Variants in NXN observed in about 807,000 individuals in gnomAD.
NXN encodes nucleoredoxin, also known as nucleoredoxin 1.
Under a neutral mutation model 48.6 loss-of-function variants are expected in NXN, and 16 were observed. The observed-to-expected ratio is 0.33, with a 90% CI of 0.22 to 0.50. The LOEUF is 0.50. Ranked by LOEUF, NXN falls within the 20% of genes least tolerant of loss-of-function variation. The pLI, the probability that NXN is intolerant of heterozygous loss-of-function variation, is 0.98. For missense variants in NXN, 492 were observed against 605.5 expected (o/e 0.81, Z 1.97); for synonymous variants, 281 against 269.6 (o/e 1.04, Z -0.41).
intron 1 of NXN, among the ~76,000 whole-genome samples, chr17:970,036 G>A (rs1406409767): frequency 6.6e-6 from 1 of 152,116 alleles, no homozygotes. Context: ...AGCTTACGTT[G>A]TTTTTTTAAA....
chr17:803,479 C>T (rs769383287), intron 7 of NXN, among the ~76,000 whole-genome samples: 5 of 152,182 alleles, frequency 3.3e-5, no homozygotes, highest in African/African-American at 7.2e-5. Flanking sequence ...CGAGCATGGA[C>T]GGGAAGAGGA....
Position 800,976 on chromosome 17 carries a change from T to G in NXN, c.1281A>C (p.Ala427=), listed in dbSNP as rs982692243. Residue 427 remains alanine, a synonymous_variant, in exon 8 of 8, where the codon GCA becomes GCC. Transcript: ENST00000336868. ...IVEAFVNDFL[A]EKLKPEPI ...AGATGGGCTCCGGTTTGAGCTTCTC[T>G]GCTAGGAAGTCATTCACAAAGGCCT... 1 of 1,522,524 alleles carries G rather than the reference T, an allele frequency of 6.6e-7. No individual in the cohort carries two copies. Among genetic ancestry groups the G allele is most frequent in the Non-Finnish European group, 8.8e-7 (1 of 1,130,950 alleles). The allele number at this position is 1,522,524 out of a possible 1,614,324, so 94.3% of individuals were successfully genotyped here.
intron 1 of NXN, among the ~76,000 whole-genome samples, chr17:916,742 C>G (rs768561223): frequency 1.3e-5 from 2 of 152,100 alleles, no homozygotes; most frequent in Non-Finnish European, 2.9e-5. Flanking sequence ...ACTAAAAATA[C>G]AAAAAACTAG....
intron 1 of NXN, among the ~76,000 whole-genome samples, chr17:930,813 C>T (rs148855321): frequency 0.02 from 2,953 of 151,386 alleles, 45 homozygotes; most frequent in Non-Finnish European, 0.03. Context: ...CTCTGGTTGC[C>T]CAGGCTGGAG....
chr17:859,606 C>G (rs546059055), intron 1 of NXN, among the ~76,000 whole-genome samples: 103 of 152,242 alleles, frequency 6.8e-4, no homozygotes, highest in Admixed American at 5.2e-3. Flanking sequence ...AACAGCTGCA[C>G]GGACGGGCCT....
intron 1 of NXN, among the ~76,000 whole-genome samples, chr17:826,362 A>G (rs1913102714): frequency 6.6e-6 from 1 of 152,076 alleles, no homozygotes; most frequent in South Asian, 2.1e-4. Flanking sequence ...GTGGAGGCTG[A>G]TGACCCCACT....
rs1913067507 is a variant in NXN at position 825,784 on chromosome 17, A to T, written c.478+177T>A. 3 of 579,904 alleles carry T rather than the reference A, an allele frequency of 5.2e-6. No individual in the cohort carries two copies. The East Asian group carries it at 8.9e-5, about 17-fold the overall frequency. The allele number at this position is 579,904 out of a possible 1,614,324, so 35.9% of individuals were successfully genotyped here. ...ACATTCTGATCCCTGTGAAAATCTT[A>T]AAACCATGTCCTAGGGAATACTATG... On this transcript the variant is annotated intron_variant, in intron 2 of 7. Transcript: ENST00000336868. The surrounding 1 kb of genome is among the most constrained non-coding windows in gnomAD (Gnocchi z 4.1).
chr17:839,938 C>T (rs1434537361), intron 1 of NXN, among the ~76,000 whole-genome samples: 1 of 151,292 alleles, frequency 6.6e-6, no homozygotes, highest in Non-Finnish European at 1.5e-5. Context: ...CTCTATTAAA[C>T]ATACAACAAT....
At chr17:890,637 G>A (rs960442353) in intron 1 of NXN, among the ~76,000 whole-genome samples, 3 of 151,956 alleles carry the variant, frequency 2.0e-5, no homozygotes, top group Admixed American at 6.6e-5. Context: ...CACCTCGGCC[G>A]CCCAAAGTGC....
intron 1 of NXN, among the ~76,000 whole-genome samples, chr17:897,824 C>T (rs980453269): frequency 7.2e-5 from 11 of 152,226 alleles, no homozygotes; most frequent in Non-Finnish European, 1.3e-4. Context: ...TACAGGTGCC[C>T]GCCACCACGC....
intron 1 of NXN, among the ~76,000 whole-genome samples, chr17:918,427 A>G (rs1220446407): frequency 6.6e-6 from 1 of 152,140 alleles, no homozygotes; most frequent in East Asian, 1.9e-4. Flanking sequence ...CGTGACTCCC[A>G]TTTCCATTTG....
intron 1 of NXN, among the ~76,000 whole-genome samples, chr17:971,952 G>A (rs2069386193): frequency 6.6e-6 from 1 of 152,074 alleles, no homozygotes; most frequent in Non-Finnish European, 1.5e-5. Context: ...GATCACCTGA[G>A]GTCAGGAGTT....
chr17:878,731 G>A (rs868074500), intron 1 of NXN, among the ~76,000 whole-genome samples: 1 of 152,102 alleles, frequency 6.6e-6, no homozygotes, highest in African/African-American at 2.4e-5. Flanking sequence ...TGAACCCAGT[G>A]AATGGGGGGA....
rs1343140182 is a variant in NXN at position 814,133 on chromosome 17, G to A, written c.820+5306C>T. 3.9e-5 allele frequency among the ~76,000 whole-genome samples: 6 copies of A among 152,018 alleles called. No individual in the cohort carries two copies. In the South Asian group the frequency reaches 6.2e-4, roughly 16 times the overall value. On this transcript the variant is annotated intron_variant, in intron 5 of 7. Transcript: ENST00000336868. ...AAAAGTTAGCCAGGTGTGGTGGTGG[G>A]TGCCTATAATCCCAGCTACTCCGGA...
At position 920,710 on chromosome 17, in the gene NXN, G is replaced by C. The variant is rs146354377; in HGVS notation, c.360+58609C>G. ...TCAAAATCACCTGGAAGATTCCACCGTTCAGGAAGCCTTTTTTTTTTTTTT... is the reference window on the plus strand; with the variant it reads ...TCAAAATCACCTGGAAGATTCCACCCTTCAGGAAGCCTTTTTTTTTTTTTT... On this transcript the variant is annotated intron_variant, in intron 1 of 7. Coordinates refer to ENST00000336868, the MANE Select transcript of NXN (RefSeq NM_022463.5). The surrounding 1 kb of genome is among the most constrained non-coding windows in gnomAD (Gnocchi z 4.6). Among the ~76,000 whole-genome samples the C allele has an allele frequency of 4.7e-5, 7 of 148,684 alleles. No individual in the cohort carries two copies. The highest frequency in any genetic ancestry group is 8.9e-5 in the Non-Finnish European group (6 of 67,418).
chr17:804,393 G>A (rs867638201), intron 6 of NXN, among the ~76,000 whole-genome samples: 173 of 148,688 alleles, frequency 1.2e-3, no homozygotes, highest in African/African-American at 4.1e-3. Context: ...AGCGATTCTC[G>A]TGCCTCAGCC....
At chr17:934,717 T>C (rs900143740) in intron 1 of NXN, among the ~76,000 whole-genome samples, 2 of 149,792 alleles carry the variant, frequency 1.3e-5, no homozygotes, top group Admixed American at 1.3e-4. Context: ...CTACTAAAAA[T>C]ACAGAAATTA....
intron 1 of NXN, among the ~76,000 whole-genome samples, chr17:924,185 G>A (rs969294222): frequency 6.6e-5 from 10 of 151,998 alleles, no homozygotes; most frequent in African/African-American, 1.9e-4. Flanking sequence ...TGGGACCACA[G>A]GTGTGTATCA....
intron 1 of NXN, among the ~76,000 whole-genome samples, chr17:863,414 G>A (rs754851860): frequency 8.5e-5 from 13 of 152,076 alleles, no homozygotes; most frequent in South Asian, 4.1e-4. Flanking sequence ...TGATCAGCCC[G>A]CCTCAGCCTC....
Sources: gnomAD v4.1 joint callset for allele counts (sites outside exome capture counted in the v4.1 genomes callset) on GRCh38, gnomAD v4.1.1 for gene constraint, Gnocchi (gnomAD v3.1) non-coding constraint, MANE v1.5 for transcripts, NCBI Gene and HGNC (gene_info 2026-07-23, HGNC 2026-07-21) for gene names.